The following SCFD2 variants were observed in gnomAD, a reference collection of about 807,000 sequenced individuals.
SCFD2 encodes the protein sec1 family domain-containing protein 2.
Under a neutral mutation model 58.9 loss-of-function variants are expected in SCFD2, and 54 were observed. The observed-to-expected ratio is 0.92, with a 90% CI of 0.74 to 1.15. The LOEUF is 1.15. Among genes scored for constraint, SCFD2 ranks in the 50% most tolerant of loss-of-function variants. The probability of loss-of-function intolerance (pLI) is 0.00; values close to 1 mark genes in which losing one functional copy is unlikely to be tolerated. For synonymous variants in SCFD2, 321 were observed against 335.9 expected (o/e 0.96, Z 0.49); for missense variants, 805 against 836.6 (o/e 0.96, Z 0.47).
At chr4:53,129,569 AT>A (rs1229736985) in intron 5 of SCFD2, among the ~76,000 whole-genome samples, 5 of 152,116 alleles carry the variant, frequency 3.3e-5, no homozygotes, top group African/African-American at 9.7e-5. Context: ...CTCTTTCAAT[AT>A]TTTTTTGCTG....
At chr4:53,055,108 A>C (rs547268187) in intron 5 of SCFD2, among the ~76,000 whole-genome samples, 1 of 152,208 alleles carries the variant, frequency 6.6e-6, no homozygotes, top group East Asian at 1.9e-4. Flanking sequence ...CCTAACATTT[A>C]CTGGGTGCTT....
intron 4 of SCFD2, among the ~76,000 whole-genome samples, chr4:53,197,747 CAAAAAAA>C (rs10717880): frequency 4.1e-5 from 4 of 96,612 alleles, no homozygotes; most frequent in Non-Finnish European, 4.2e-5. Context: ...TAGAAGATGG[CAAAAAAA>C]AAAAAAAAAA....
chr4:53,222,486 A>G (rs1162076065), intron 4 of SCFD2, among the ~76,000 whole-genome samples: 1 of 152,262 alleles, frequency 6.6e-6, no homozygotes, highest in Admixed American at 6.5e-5. Context: ...ATATTTGCTA[A>G]TAATATCCTG....
rs115760876 is a variant in SCFD2 at position 53,168,970 on chromosome 4, C to T, written c.1312-23388G>A. 2.4e-3 allele frequency among the ~76,000 whole-genome samples: 363 copies of T among 152,294 alleles called. 1 individual carries two copies. Among genetic ancestry groups the T allele is most frequent in the African/African-American group, 8.1e-3 (335 of 41,552 alleles). On this transcript the variant is annotated intron_variant, in intron 4 of 8. Transcript: ENST00000401642. ...TTATGAGTTCAGTTATTTTAGATTCCACATATAAGTGAGATGATGTGGTAT... is the reference window on the plus strand; with the variant it reads ...TTATGAGTTCAGTTATTTTAGATTCTACATATAAGTGAGATGATGTGGTAT...
In SCFD2 at chr4:53,281,962, G is replaced by A. The variant is rs186622728; in HGVS notation, c.1136-7961C>T. ...TATTCCATAACCATAGTAAATTACG[G>A]TATTACTAAACTATTATGTGCTTTT... On this transcript the variant is annotated intron_variant, in intron 3 of 8. Coordinates refer to ENST00000401642, the MANE Select transcript of SCFD2 (RefSeq NM_152540.4). Among the ~76,000 whole-genome samples, 226 of 152,142 alleles carry A rather than the reference G, an allele frequency of 1.5e-3. 3 individuals are homozygous for A. Among genetic ancestry groups the A allele is most frequent in the Middle Eastern group, 0.014 (4 of 294 alleles).
chr4:53,201,961 C>T (rs1728255902), intron 4 of SCFD2, among the ~76,000 whole-genome samples: 1 of 152,112 alleles, frequency 6.6e-6, no homozygotes, highest in African/African-American at 2.4e-5. Context: ...AAAATTTTCT[C>T]CCATTCTGAA....
At chr4:53,352,422 A>G (rs577937446) in intron 2 of SCFD2, among the ~76,000 whole-genome samples, 176 bp downstream of exon 2, 1 of 152,374 alleles carries the variant, frequency 6.6e-6, no homozygotes, top group South Asian at 2.1e-4. Context: ...TATTATGTTT[A>G]GTGGATGTGG....
At chr4:53,265,893 C>A (rs1181499639) in intron 4 of SCFD2, among the ~76,000 whole-genome samples, 1 of 151,748 alleles carries the variant, frequency 6.6e-6, no homozygotes, top group Non-Finnish European at 1.5e-5. Flanking sequence ...GCATGCACCA[C>A]CACATCCAGC....
intron 1 of SCFD2, among the ~76,000 whole-genome samples, chr4:53,358,767 A>T (rs904239696): frequency 6.6e-6 from 1 of 152,190 alleles, no homozygotes; most frequent in African/African-American, 2.4e-5. Context: ...TCTCTTTTTT[A>T]ATTGTCCCTG....
At chr4:53,178,846 A>C (rs1213069390) in intron 4 of SCFD2, among the ~76,000 whole-genome samples, 2 of 152,244 alleles carry the variant, frequency 1.3e-5, no homozygotes, top group Non-Finnish European at 2.9e-5. Flanking sequence ...GAGCTACGTG[A>C]TGAACGCAGA....
At position 53,273,804 on chromosome 4, in the gene SCFD2, C is replaced by T. The variant is rs771362377; in HGVS notation, c.1311+22G>A. 2.9e-5 allele frequency: 46 copies of T among 1,586,638 alleles called. No individual in the cohort carries two copies. The African/African-American group carries it at 3.6e-4, about 12-fold the overall frequency. On this transcript the variant is annotated intron_variant, in intron 4 of 8. Coordinates refer to ENST00000401642, the MANE Select transcript of SCFD2 (RefSeq NM_152540.4). ...CAAAACATTAATTATTAAGATCCCACGAGGTTCCCATAGCAACATACCTGA... is the reference window on the plus strand; with the variant it reads ...CAAAACATTAATTATTAAGATCCCATGAGGTTCCCATAGCAACATACCTGA...
rs545779525 is a variant in SCFD2, at chr4:53,346,465, G to C, written c.1007+6133C>G. 8.2e-4 allele frequency among the ~76,000 whole-genome samples: 125 copies of C among 151,876 alleles called. 1 individual carries two copies. The highest frequency in any genetic ancestry group is 1.1e-3 in the Non-Finnish European group (78 of 67,948). On this transcript the variant is annotated intron_variant, in intron 2 of 8. Transcript: ENST00000401642. ...AATTTTGTATTTTTAGTAGAGAAAG[G>C]GTTTTACCATGTTGGTTAGGCTGGT... is the stretch of plus-strand genomic sequence containing the variant.
At chr4:53,299,772 A>T (rs571820759) in intron 3 of SCFD2, among the ~76,000 whole-genome samples, 2 of 152,290 alleles carry the variant, frequency 1.3e-5, no homozygotes, top group Non-Finnish European at 2.9e-5. Context: ...TACAAGCCAG[A>T]AGAGAGTGGG....
chr4:53,248,201 C>T (rs1304980651), intron 4 of SCFD2, among the ~76,000 whole-genome samples: 1 of 152,222 alleles, frequency 6.6e-6, no homozygotes, highest in Non-Finnish European at 1.5e-5. Flanking sequence ...CACCCAAATA[C>T]TGCGCTTTTC....
intron 5 of SCFD2, among the ~76,000 whole-genome samples, chr4:53,091,816 C>A (rs1724478212): frequency 6.6e-6 from 1 of 152,124 alleles, no homozygotes; most frequent in Non-Finnish European, 1.5e-5. Context: ...AATGCTACAT[C>A]TTCACTATTA....
chr4:53,214,635 G>A lies in SCFD2; in HGVS notation c.1311+59191C>T, dbSNP rs1302046649. Among the ~76,000 whole-genome samples, 3 of 152,062 alleles carry A rather than the reference G, an allele frequency of 2.0e-5. No homozygotes were observed. In the East Asian group the frequency reaches 5.8e-4, roughly 29 times the overall value. The stretch of plus-strand genomic sequence containing the variant: ...GACTATGATGGTAGTTTCTTTTGCT[G>A]CACAGAAGCTCTTTAGTTTAATTAG... On this transcript the variant is annotated intron_variant, in intron 4 of 8. Transcript: ENST00000401642.
rs565242842 is a variant in SCFD2, at chr4:52,937,919, T to C, written c.1562-17049A>G. On this transcript the variant is annotated intron_variant, in intron 5 of 8. Coordinates refer to ENST00000401642, the MANE Select transcript of SCFD2 (RefSeq NM_152540.4). Reference sequence around the variant, plus strand: ...AAAGGAAATTTTCTTATTATTCCAATAAAGGAATCAAGAATTAAGCCGATG... The same window carrying C: ...AAAGGAAATTTTCTTATTATTCCAACAAAGGAATCAAGAATTAAGCCGATG... Among the ~76,000 whole-genome samples, 22 of 152,284 alleles carry C rather than the reference T, an allele frequency of 1.4e-4. No homozygotes were observed. In the South Asian group the frequency reaches 3.9e-3, roughly 27 times the overall value.
chr4:53,342,357 A>G (rs1204171084), intron 2 of SCFD2, among the ~76,000 whole-genome samples: 1 of 152,198 alleles, frequency 6.6e-6, no homozygotes, highest in African/African-American at 2.4e-5. Context: ...AAAAGAGACA[A>G]AGAAGGCCAT....
chr4:53,217,540 G>A (rs992056775), intron 4 of SCFD2, among the ~76,000 whole-genome samples: 2 of 152,136 alleles, frequency 1.3e-5, no homozygotes, highest in African/African-American at 4.8e-5. Flanking sequence ...GTGTGTCTCT[G>A]CACGTGAGAT....
Sources: allele counts gnomAD v4.1 joint callset (sites outside exome capture counted in the v4.1 genomes callset), GRCh38; gene constraint gnomAD v4.1.1; transcripts MANE v1.5; gene names NCBI Gene and HGNC (gene_info 2026-07-23, HGNC 2026-07-21).